SNTG1: variants seen among roughly 807,000 people sequenced by gnomAD.
The protein encoded by SNTG1 is gamma-1-syntrophin.
In SNTG1, 39 loss-of-function variants were observed where a neutral mutation model predicts 74.7. That is an observed-to-expected ratio of 0.52 (90% confidence interval 0.40 to 0.68). SNTG1 has a LOEUF of 0.68. Among genes scored for constraint, SNTG1 ranks in the 30% least tolerant of loss-of-function variants. SNTG1 has a pLI of 0.00. For missense variants in SNTG1, 685 were observed against 609.5 expected (o/e 1.12, Z -1.30); for synonymous variants, 254 against 217.1 (o/e 1.17, Z -1.49).
chr8:50,139,517 G>A (rs1447058898), intron 1 of SNTG1, among the ~76,000 whole-genome samples: 1 of 152,148 alleles, frequency 6.6e-6, no homozygotes, highest in East Asian at 1.9e-4. Context: ...TGTCATGTCT[G>A]CCAACATTCA....
intron 2 of SNTG1, among the ~76,000 whole-genome samples, chr8:50,241,802 A>AGTAATTCCT (rs1445832696): frequency 6.6e-6 from 1 of 152,174 alleles, no homozygotes; most frequent in East Asian, 1.9e-4. Context: ...ACAATTATGC[A>AGTAATTCCT]GTAATTCCTC....
chr8:50,655,057 T>G (rs1297392465), intron 13 of SNTG1, among the ~76,000 whole-genome samples: 1 of 152,154 alleles, frequency 6.6e-6, no homozygotes, highest in African/African-American at 2.4e-5. Context: ...GATTAACCTC[T>G]CTCAATTTTC....
chr8:50,585,445 A>G (rs922705228), intron 12 of SNTG1, among the ~76,000 whole-genome samples: 1 of 152,314 alleles, frequency 6.6e-6, no homozygotes, highest in South Asian at 2.1e-4. Context: ...AGTCAAAATT[A>G]TACTCCCTTT....
At chr8:50,526,750 A>C (rs2130258162) in intron 9 of SNTG1, among the ~76,000 whole-genome samples, 1 of 152,094 alleles carries the variant, frequency 6.6e-6, no homozygotes, top group African/African-American at 2.4e-5. Flanking sequence ...CAGCCACCCA[A>C]GTAGCTGGGA....
chr8:50,766,164 A>T (rs1315469822), intron 18 of SNTG1, among the ~76,000 whole-genome samples: 3 of 151,958 alleles, frequency 2.0e-5, no homozygotes, highest in Admixed American at 1.3e-4. Flanking sequence ...CCCTTACCCC[A>T]TTAGTTACCA....
At chr8:50,691,746 G>C (rs1432769430) in intron 15 of SNTG1, among the ~76,000 whole-genome samples, 1 of 152,094 alleles carries the variant, frequency 6.6e-6, no homozygotes, top group Non-Finnish European at 1.5e-5. Flanking sequence ...CTCTTCTTAA[G>C]GAGTATCTTT....
At chr8:50,033,048 A>G (rs1363398869) in intron 1 of SNTG1, among the ~76,000 whole-genome samples, 3 of 152,122 alleles carry the variant, frequency 2.0e-5, no homozygotes, top group Admixed American at 6.6e-5. Context: ...AGAAAACAAA[A>G]TAAGATGTTA....
intron 3 of SNTG1, 134 bp downstream of exon 3, chr8:50,394,399 A>T (rs1483507991): frequency 8.8e-6 from 7 of 798,560 alleles, no homozygotes; most frequent in African/African-American, 3.5e-5. Flanking sequence ...TTTTCCTTCC[A>T]GATTACGTTC....
chr8:50,333,135 G>T (rs2091024154), intron 2 of SNTG1, among the ~76,000 whole-genome samples: 1 of 152,224 alleles, frequency 6.6e-6, no homozygotes. Flanking sequence ...GACTCAGCCT[G>T]CTGGGCTCAG....
chr8:50,207,891 A>G (rs989687402), intron 2 of SNTG1, among the ~76,000 whole-genome samples: 1 of 152,186 alleles, frequency 6.6e-6, no homozygotes, highest in African/African-American at 2.4e-5. Context: ...TGAGTTTCTT[A>G]ATCCTGAGTT....
chr8:50,713,213 A>G (rs1167877752), intron 17 of SNTG1, among the ~76,000 whole-genome samples: 2 of 152,180 alleles, frequency 1.3e-5, no homozygotes, highest in East Asian at 3.9e-4. Context: ...GTGACATGGT[A>G]TCACGTTGTG....
At chr8:50,590,340 A>G (rs1280034021) in intron 12 of SNTG1, among the ~76,000 whole-genome samples, 1 of 152,166 alleles carries the variant, frequency 6.6e-6, no homozygotes, top group Non-Finnish European at 1.5e-5. Context: ...GGCATATGAC[A>G]GAGGAAATGC....
At chr8:50,310,821 TATAC>T (rs1421134294) in intron 2 of SNTG1, among the ~76,000 whole-genome samples, 1 of 152,242 alleles carries the variant, frequency 6.6e-6, no homozygotes, top group East Asian at 1.9e-4. Flanking sequence ...TGAGATAAGA[TATAC>T]ATACCAGTAT....
intron 13 of SNTG1, among the ~76,000 whole-genome samples, chr8:50,627,654 T>C (rs1368728692): frequency 6.6e-6 from 1 of 152,202 alleles, no homozygotes; most frequent in Non-Finnish European, 1.5e-5. Context: ...CCTTCAGGTT[T>C]GATTAATTTG....
At chr8:50,701,805 CT>C (rs1166909401) in intron 15 of SNTG1, among the ~76,000 whole-genome samples, 22 of 148,554 alleles carry the variant, frequency 1.5e-4, no homozygotes, top group East Asian at 9.8e-4. Flanking sequence ...TCCTCCTCTT[CT>C]TCTTCTTCTT....
chr8:50,421,411 T>C (rs2093085476), intron 4 of SNTG1, among the ~76,000 whole-genome samples: 1 of 152,178 alleles, frequency 6.6e-6, no homozygotes, highest in Admixed American at 6.5e-5. Flanking sequence ...ATGACATTTG[T>C]AAACTTTCAT....
At chr8:50,704,824 C>A in intron 16 of SNTG1, 72 bp downstream of exon 16, 2 of 1,524,584 alleles carry the variant, frequency 1.3e-6, no homozygotes, top group South Asian at 1.2e-5. Flanking sequence ...GTTCTAATAT[C>A]ATTCCAAAGT....
rs547390052 is a variant in SNTG1, at chr8:50,111,765, A to G, written c.-102-60796A>G. On this transcript the variant is annotated intron_variant, in intron 1 of 18. Coordinates refer to ENST00000642720, the MANE Select transcript of SNTG1 (RefSeq NM_018967.5). ...AGCAAAATCCTAGGAAACTGAAATT[A>G]TGAGTGACAAATGGGACATGGAGAA... Among the ~76,000 whole-genome samples, 20 of 152,298 alleles carry G rather than the reference A, an allele frequency of 1.3e-4. 2 individuals carry two copies. The highest frequency in any genetic ancestry group is 4.6e-4 in the African/African-American group (19 of 41,576).
intron 2 of SNTG1, among the ~76,000 whole-genome samples, chr8:50,264,848 T>TAAA (rs1333470138): frequency 6.6e-6 from 1 of 151,908 alleles, no homozygotes; most frequent in Admixed American, 6.6e-5. Flanking sequence ...GAGAATACTA[T>TAAA]AAAAAACTCT....
Sources: allele counts gnomAD v4.1 joint callset (sites outside exome capture counted in the v4.1 genomes callset), GRCh38; gene constraint gnomAD v4.1.1; transcripts MANE v1.5; gene names NCBI Gene and HGNC (gene_info 2026-07-23, HGNC 2026-07-21).